Variants in MARK4 observed in about 807,000 individuals in gnomAD.
The protein encoded by MARK4 is microtubule affinity regulating kinase 4, also known as MAP/microtubule affinity-regulating kinase 4.
MARK4 carries 19 observed loss-of-function variants against 81.5 expected under a neutral mutation model. The observed-to-expected ratio is 0.23, with a 90% CI of 0.16 to 0.34. The LOEUF is 0.34. Among genes scored for constraint, MARK4 ranks in the 10% least tolerant of loss-of-function variants. The pLI is 1.00. For synonymous variants in MARK4, 436 were observed against 439.0 expected (o/e 0.99, Z 0.08); for missense variants, 772 against 1,058.8 (o/e 0.73, Z 3.76).
At chr19:45,293,807 G>T (rs1000425305) in intron 13 of MARK4, among the ~76,000 whole-genome samples, 2 of 152,178 alleles carry the variant, frequency 1.3e-5, no homozygotes, top group Admixed American at 1.3e-4. Flanking sequence ...GCTGCAGTGG[G>T]GAGCCCAGGG....
At chr19:45,256,667 G>C (rs558354556) in intron 1 of MARK4, among the ~76,000 whole-genome samples, 27 of 152,314 alleles carry the variant, frequency 1.8e-4, no homozygotes, top group African/African-American at 6.3e-4. Flanking sequence ...GTTGATTGGG[G>C]TTGAGGGCAG....
rs1458191948 is a variant in MARK4 at position 45,305,096 on chromosome 19, A to T, written c.*2386A>T. Reference sequence around the variant, plus strand: ...ATCAGGAAAGAGGTCGGGGCTGGACAGATGGGGAGAGCGCAGATAGATTTA... The same window carrying T: ...ATCAGGAAAGAGGTCGGGGCTGGACTGATGGGGAGAGCGCAGATAGATTTA... On this transcript the variant is annotated 3_prime_UTR_variant, in exon 17 of 17. Transcript: ENST00000262891. The T allele has an allele frequency of 6.6e-6, 1 of 152,462 alleles. No individual in the cohort carries two copies. Among genetic ancestry groups the T allele is most frequent in the African/African-American group, 2.4e-5 (1 of 41,452 alleles). 9.4% of individuals were successfully genotyped at this position (152,462 alleles called of 1,614,324 possible). A position where few individuals can be genotyped will look rare whatever the true frequency, so the allele number is the denominator to read the frequency against.
chr19:45,262,925 TG>T, intron 2 of MARK4, 187 bp from the exon 3 acceptor site: 1 of 600,962 alleles, frequency 1.7e-6, no homozygotes, highest in Non-Finnish European at 2.9e-6. Context: ...CTACCACACC[TG>T]GCTAATTTTT....
chr19:45,287,222 AG>A (rs1282863328), intron 12 of MARK4, among the ~76,000 whole-genome samples: 18 of 145,060 alleles, frequency 1.2e-4, no homozygotes, highest in South Asian at 4.4e-4. Context: ...AAAAAAAAAA[AG>A]AAGGTGCAAT....
In MARK4 at chr19:45,302,685, G is replaced by A. The variant is rs1053052298; in HGVS notation, c.2234G>A (p.Arg745His). The A allele has an allele frequency of 1.4e-5, 22 of 1,536,664 alleles. No homozygotes were observed. Among genetic ancestry groups the A allele is most frequent in the Non-Finnish European group, 1.7e-5 (20 of 1,147,044 alleles). Reference sequence around the variant, plus strand: ...CTGGCCTTCCGCACCCTCGTCACCCGCATCTCCAACGACCTCGAGCTCTGA... The same window carrying A: ...CTGGCCTTCCGCACCCTCGTCACCCACATCTCCAACGACCTCGAGCTCTGA... Reference protein sequence around the residue: ...TALAFRTLVTRISNDLEL With the variant: ...TALAFRTLVTHISNDLEL Residue 745 changes from arginine (R) to histidine (H), a missense_variant, in exon 17 of 17, where the codon CGC (arginine) becomes CAC (histidine). This residue lies in a region of MARK4 where 548 missense variants were observed against 624.3 expected (regional missense o/e 0.88). Coordinates refer to ENST00000262891, the MANE Select transcript of MARK4 (RefSeq NM_001199867.2). The surrounding 1 kb of genome is among the most constrained non-coding windows in gnomAD (Gnocchi z 4.9).
rs764644423 is a variant in MARK4 at position 45,259,096 on chromosome 19, G to T, written c.159G>T (p.Gln53His). Residue 53 changes from glutamine (Q) to histidine (H), a missense_variant, in exon 2 of 17, where the codon CAG (glutamine) becomes CAT (histidine). Gln to His is a conservative substitution (Grantham distance 24). Transcript: ENST00000262891. ...RNSIASCPEEQPHVGNYRLLR... is the reference protein window; with the variant it reads ...RNSIASCPEEHPHVGNYRLLR... ...CCATCGCCTCCTGTCCCGAGGAGCA[G>T]CCCCACGTGGGCAACTACCGCCTGC... The T allele has an allele frequency of 1.5e-5, 24 of 1,614,176 alleles. No individual in the cohort carries two copies. The highest frequency in any genetic ancestry group is 1.9e-5 in the Non-Finnish European group (23 of 1,180,042).
intron 1 of MARK4, among the ~76,000 whole-genome samples, chr19:45,252,064 C>G (rs1028694438): frequency 6.6e-6 from 1 of 152,090 alleles, no homozygotes; most frequent in Non-Finnish European, 1.5e-5. Flanking sequence ...GGGCCTGGCC[C>G]AGTCCTGCCT....
rs772956943 is a variant in MARK4, at chr19:45,277,914, T to TCACTGCA, written c.787-8_787-7insACTGCAC. 18 of 1,590,318 alleles carry TCACTGCA rather than the reference T, an allele frequency of 1.1e-5. No homozygotes were observed. Among genetic ancestry groups the TCACTGCA allele is most frequent in the Non-Finnish European group, 1.5e-5 (17 of 1,165,388 alleles). ...CAGACCCCCTCCTCCAGTAACCCCA[T>TCACTGCA]CCCTGCAGGAGCTGCGGGAGCGAGT... On this transcript the variant is annotated splice_polypyrimidine_tract_variant and intron_variant, in intron 8 of 16. Transcript: ENST00000262891.
chr19:45,266,355 A>G (rs1970453472), intron 7 of MARK4, 74 bp downstream of exon 7: 1 of 1,454,678 alleles, frequency 6.9e-7, no homozygotes, highest in Non-Finnish European at 9.6e-7. Context: ...CCACCCCTCC[A>G]TGGTTTCCGT....
chr19:45,271,455 T>G lies in MARK4; in HGVS notation c.550-17T>G. On this transcript the variant is annotated splice_polypyrimidine_tract_variant and intron_variant, in intron 7 of 16. Coordinates refer to ENST00000262891, the MANE Select transcript of MARK4 (RefSeq NM_001199867.2). The surrounding 1 kb of genome is among the most constrained non-coding windows in gnomAD (Gnocchi z 4.1). ...GCCTTGAGTCCCACTTTCCGCCCTCTCCTTCTCTCCCTGCAGGCTGAGAAC... is the reference window on the plus strand; with the variant it reads ...GCCTTGAGTCCCACTTTCCGCCCTCGCCTTCTCTCCCTGCAGGCTGAGAAC... The G allele has an allele frequency of 6.2e-7, 1 of 1,612,216 alleles. No individual in the cohort carries two copies. Among genetic ancestry groups the G allele is most frequent in the Non-Finnish European group, 8.5e-7 (1 of 1,178,564 alleles).
intron 13 of MARK4, chr19:45,288,423 G>C (rs996580851): frequency 6.6e-6 from 1 of 150,738 alleles, no homozygotes; most frequent in Non-Finnish European, 1.5e-5. Context: ...CGTGGTGGCG[G>C]GCACCTATAA....
chr19:45,278,403 A>G, intron 9 of MARK4, 113 bp from the exon 10 acceptor site: 1 of 936,702 alleles, frequency 1.1e-6, no homozygotes, highest in Non-Finnish European at 1.7e-6. Context: ...TCTCTTAGGA[A>G]GCCCGCAATT....
In MARK4 at chr19:45,302,659, C is replaced by T; in HGVS notation, c.2208C>T (p.Ala736=). 6.5e-7 allele frequency: 1 copy of T among 1,538,200 alleles called. No individual in the cohort carries two copies. Among genetic ancestry groups the T allele is most frequent in the Non-Finnish European group, 8.7e-7 (1 of 1,147,806 alleles). ...TCTTCCGCCGTGTGGCGGGCACCGCCCTGGCCTTCCGCACCCTCGTCACCC... is the reference window on the plus strand; with the variant it reads ...TCTTCCGCCGTGTGGCGGGCACCGCTCTGGCCTTCCGCACCCTCGTCACCC... ...GVLFRRVAGT[A]LAFRTLVTRI... Residue 736 remains alanine (A), a synonymous_variant, in exon 17 of 17, where the codon GCC becomes GCT. Transcript: ENST00000262891. This position sits in a 1 kb window ranked among gnomAD's most constrained non-coding sequence, Gnocchi z 4.9.
chr19:45,294,682 C>T (rs900515283), intron 14 of MARK4, among the ~76,000 whole-genome samples: 3 of 152,220 alleles, frequency 2.0e-5, no homozygotes, highest in Non-Finnish European at 4.4e-5. Context: ...TCTCCGCCTA[C>T]AAGCCTTGGG....
chr19:45,292,420 C>T (rs762573703), intron 13 of MARK4, among the ~76,000 whole-genome samples: 3 of 152,286 alleles, frequency 2.0e-5, no homozygotes, highest in Non-Finnish European at 2.9e-5. Flanking sequence ...GTGAAATGGG[C>T]TCATTAAAGA....
intron 8 of MARK4, among the ~76,000 whole-genome samples, chr19:45,277,535 G>A (rs1378604784): frequency 6.6e-6 from 1 of 150,458 alleles, no homozygotes; most frequent in African/African-American, 2.5e-5. Flanking sequence ...AACGTGTTTG[G>A]ATTACAGGTG....
chr19:45,280,686 C>A lies in MARK4; in HGVS notation c.1228C>A (p.Arg410=). ...AGGCACCAGCCACAGCAAAGGGCAG[C>A]GGAGTTCCTCTTCCACCTACCACCG... ...SKGTSHSKGQ[R]SSSSTYHRQR... Residue 410 remains arginine, a synonymous_variant, in exon 12 of 17, where the codon CGG becomes AGG. Coordinates refer to ENST00000262891, the MANE Select transcript of MARK4 (RefSeq NM_001199867.2). The A allele has an allele frequency of 6.2e-7, 1 of 1,614,192 alleles. No homozygotes were observed. The highest frequency in any genetic ancestry group is 1.1e-5 in the South Asian group (1 of 91,092).
rs760065314 is a variant in MARK4 at position 45,299,848 on chromosome 19, G to A, written c.1915G>A (p.Val639Ile). 4 of 1,605,366 alleles carry A rather than the reference G, an allele frequency of 2.5e-6. No individual in the cohort carries two copies. Among genetic ancestry groups the A allele is most frequent in the East Asian group, 2.3e-5 (1 of 44,392 alleles). Reference sequence around the variant, plus strand: ...ACCTGAGAGAATCGGGGGACCTGAGGTCACAAGGTGAGTGCTTGGGCCTAC... The same window carrying A: ...ACCTGAGAGAATCGGGGGACCTGAGATCACAAGGTGAGTGCTTGGGCCTAC... ...DEPERIGGPE[V>I]TSCHLPWDQT... The change falls in exon 16 of 17, where the codon GTC becomes ATC. Residue 639 changes from valine (V) to isoleucine (I), a missense_variant. Coordinates refer to ENST00000262891, the MANE Select transcript of MARK4 (RefSeq NM_001199867.2).
chr19:45,286,827 A>G (rs1276909073), intron 12 of MARK4, among the ~76,000 whole-genome samples: 1 of 152,260 alleles, frequency 6.6e-6, no homozygotes, highest in Admixed American at 6.5e-5. Context: ...AAGTAGATAT[A>G]GATACACACT....
Sources: allele counts gnomAD v4.1 joint callset (sites outside exome capture counted in the v4.1 genomes callset), GRCh38; gene constraint gnomAD v4.1.1; regional missense constraint gnomAD v4.1.1; non-coding constraint Gnocchi (gnomAD v3.1); transcripts MANE v1.5; gene names NCBI Gene and HGNC (gene_info 2026-07-23, HGNC 2026-07-21).